The following PDE8B variants were observed in gnomAD, a reference collection of about 807,000 sequenced individuals.
PDE8B encodes the protein phosphodiesterase 8B.
A neutral mutation model predicts 101.3 loss-of-function variants in PDE8B; 26 were observed. The ratio of observed to expected loss-of-function variants is 0.26; its 90% CI spans 0.19 to 0.36. PDE8B has a LOEUF of 0.36. Among genes scored for constraint, PDE8B ranks in the 10% least tolerant of loss-of-function variants. The pLI is 1.00. For synonymous variants in PDE8B, 424 were observed against 429.3 expected, an observed-to-expected ratio of 0.99 and a Z score of 0.15; for missense variants, 810 against 1,163.1, an observed-to-expected ratio of 0.70 and a Z score of 4.42.
At chr5:77,409,430 G>A (rs9293713) in intron 14 of PDE8B, among the ~76,000 whole-genome samples, 17,472 of 152,110 alleles carry the variant, frequency 0.11, 1,358 homozygotes, top group African/African-American at 0.22. Context: ...ATGGACCTCA[G>A]ATTCCTCATG....
the PDE8B span, among the ~76,000 whole-genome samples, chr5:77,198,839 T>C: frequency 7.4e-5 from 4 of 53,840 alleles, no homozygotes; most frequent in Non-Finnish European, 1.6e-4. Flanking sequence ...TTCTGGGACA[T>C]TTTTTTTTCT....
At chr5:77,378,048 A>ACACC (rs1347483439) in intron 10 of PDE8B, among the ~76,000 whole-genome samples, 25 of 93,952 alleles carry the variant, frequency 2.7e-4, no homozygotes, top group South Asian at 2.4e-3. Flanking sequence ...ACACACACAC[A>ACACC]CCCCCTGTTG....
intron 1 of PDE8B, 81 bp from the exon 2 acceptor site, chr5:77,311,913 T>C (rs113995403): frequency 0.024 from 26,045 of 1,080,874 alleles, 399 homozygotes; most frequent in Non-Finnish European, 0.03. Flanking sequence ...GGTGGCATAA[T>C]GCAATGCGTT....
chr5:77,271,859 G>GC (rs1281552371), intron 1 of PDE8B, among the ~76,000 whole-genome samples: 1 of 152,162 alleles, frequency 6.6e-6, no homozygotes, highest in Non-Finnish European at 1.5e-5. Flanking sequence ...CTTATAACAG[G>GC]TTCTTCAGGT....
the PDE8B span, among the ~76,000 whole-genome samples, chr5:77,197,925 T>C: frequency 2.0e-5 from 3 of 152,224 alleles, no homozygotes; most frequent in Admixed American, 1.3e-4. Context: ...AACAGTTGTT[T>C]TGATGTTCTT....
intron 10 of PDE8B, among the ~76,000 whole-genome samples, chr5:77,357,673 G>A (rs986221895): frequency 2.3e-4 from 35 of 152,284 alleles, no homozygotes; most frequent in South Asian, 6.2e-4. Context: ...TTTTTGCCTC[G>A]TAGGACTGTG....
chr5:77,090,520 G>A, the PDE8B span, among the ~76,000 whole-genome samples: 9 of 152,160 alleles, frequency 5.9e-5, no homozygotes, highest in Admixed American at 2.0e-4. Flanking sequence ...TGATACACCC[G>A]CCTCAACCTC....
the PDE8B span, among the ~76,000 whole-genome samples, chr5:77,183,251 T>C: frequency 6.6e-6 from 1 of 151,888 alleles, no homozygotes; most frequent in Non-Finnish European, 1.5e-5. Flanking sequence ...TCCCGAGTAG[T>C]TGGGGCTACA....
chr5:77,267,494 G>A (rs931645552), intron 1 of PDE8B, among the ~76,000 whole-genome samples: 3 of 151,858 alleles, frequency 2.0e-5, no homozygotes, highest in Admixed American at 6.5e-5. Flanking sequence ...GTTGAAGTGA[G>A]AGGTCTGCCT....
chr5:77,293,532 G>A (rs968231384), intron 1 of PDE8B, among the ~76,000 whole-genome samples: 14 of 152,138 alleles, frequency 9.2e-5, no homozygotes, highest in African/African-American at 1.4e-4. Flanking sequence ...CTGAGTGTGC[G>A]ATATGATGTG....
At chr5:77,364,132 C>T (rs751045298) in intron 10 of PDE8B, among the ~76,000 whole-genome samples, 2 of 152,170 alleles carry the variant, frequency 1.3e-5, no homozygotes, top group African/African-American at 2.4e-5. Flanking sequence ...CCCAGACCTG[C>T]GTAGCTCCTT....
Position 77,386,865 on chromosome 5 carries a change from C to CTTTTTTTTTTTTTTTT in PDE8B, c.1168-13369_1168-13354dup, listed in dbSNP as rs59393259. ...TTTTGCCTGTTAGTTGATGTAGTTTCTTTTTTTTTTTTTTTTTTTTTTTTT... is the reference window on the plus strand; with the variant it reads ...TTTTGCCTGTTAGTTGATGTAGTTTCTTTTTTTTTTTTTTTTTTTTTTTTTTTTTTTTTTTTTTTTT... On this transcript the variant is annotated intron_variant, in intron 10 of 21. Coordinates refer to ENST00000264917, the MANE Select transcript of PDE8B (RefSeq NM_003719.5). Among the ~76,000 whole-genome samples the CTTTTTTTTTTTTTTTT allele has an allele frequency of 2.3e-4, 12 of 51,080 alleles. 2 individuals carry two copies. The highest frequency in any genetic ancestry group is 2.8e-4 in the African/African-American group (3 of 10,756). 33.5% of individuals were successfully genotyped at this position (51,080 alleles called of 152,430 possible).
At chr5:77,318,065 A>AC (rs1554079342) in intron 2 of PDE8B, among the ~76,000 whole-genome samples, 1 of 150,822 alleles carries the variant, frequency 6.6e-6, no homozygotes, top group Non-Finnish European at 1.5e-5. Flanking sequence ...CAAAAAAAAA[A>AC]AAAAAAAAAA....
At chr5:77,345,933 A>G (rs1197856500) in intron 7 of PDE8B, among the ~76,000 whole-genome samples, 2 of 152,134 alleles carry the variant, frequency 1.3e-5, no homozygotes, top group Non-Finnish European at 2.9e-5. Context: ...TACCAGACCA[A>G]TGACATCAAT....
chr5:77,408,821 C>G, intron 13 of PDE8B, 72 bp from the exon 14 acceptor site: 1 of 1,213,546 alleles, frequency 8.2e-7, no homozygotes, highest in South Asian at 1.2e-5. Flanking sequence ...CTTTTGGATT[C>G]TGGGCATATA....
chr5:77,112,717 A>G, the PDE8B span: 1 of 152,232 alleles, frequency 6.6e-6, no homozygotes, highest in African/African-American at 2.4e-5. Context: ...GGAAAAGAGG[A>G]AGTCAAATTG....
intron 1 of PDE8B, among the ~76,000 whole-genome samples, chr5:77,216,049 C>A (rs1232226588): frequency 6.6e-6 from 1 of 152,172 alleles, no homozygotes; most frequent in African/African-American, 2.4e-5. Context: ...ACAAGACCAA[C>A]CAACCAGTTC....
chr5:77,359,340 A>G (rs1358518628), intron 10 of PDE8B, among the ~76,000 whole-genome samples: 1 of 152,170 alleles, frequency 6.6e-6, no homozygotes, highest in Non-Finnish European at 1.5e-5. Flanking sequence ...GGGTAAACCG[A>G]TAACATTCTG....
chr5:77,157,042 G>T, the PDE8B span, among the ~76,000 whole-genome samples: 1 of 152,144 alleles, frequency 6.6e-6, no homozygotes, highest in Non-Finnish European at 1.5e-5. Flanking sequence ...CTTCAGCAGG[G>T]TGATCATGGC....
Sources: gnomAD v4.1 joint callset for allele counts (sites outside exome capture counted in the v4.1 genomes callset) on GRCh38, gnomAD v4.1.1 for gene constraint, MANE v1.5 for transcripts, NCBI Gene and HGNC (gene_info 2026-07-23, HGNC 2026-07-21) for gene names.